Variants in TRPC5 observed in about 807,000 individuals in gnomAD.
TRPC5 encodes transient receptor potential cation channel subfamily C member 5.
TRPC5 carries 9 observed loss-of-function variants against 56.5 expected under a neutral mutation model. That is an observed-to-expected ratio of 0.16 (90% CI 0.10 to 0.28). The LOEUF is 0.28. TRPC5 is among the 10% of genes least tolerant of loss of function. The probability of loss-of-function intolerance (pLI) is 1.00; values close to 1 mark genes in which losing one functional copy is unlikely to be tolerated. For synonymous variants in TRPC5, 282 were observed against 278.5 expected (o/e 1.01, Z -0.13); for missense variants, 469 against 748.9 (o/e 0.63, Z 4.36).
chrX:112,042,292 G>A (rs1032491541), intron 1 of TRPC5, among the ~76,000 whole-genome samples: 7 of 111,536 alleles, frequency 6.3e-5, no homozygotes, highest in Non-Finnish European at 1.1e-4. Flanking sequence ...CAGGATCCGC[G>A]AGAAAGGAAG....
intron 3 of TRPC5, among the ~76,000 whole-genome samples, chrX:111,909,493 G>A (rs753358889): frequency 1.9e-4 from 21 of 110,725 alleles, no homozygotes; most frequent in African/African-American, 5.2e-4. Flanking sequence ...ATGGATGCAC[G>A]ATGTGAATGT....
intron 9 of TRPC5, among the ~76,000 whole-genome samples, chrX:111,780,607 AAGTC>A (rs1338051841): frequency 9.0e-6 from 1 of 110,837 alleles, no homozygotes; most frequent in Non-Finnish European, 1.9e-5. Context: ...CAGATACAAA[AAGTC>A]AGCCCTCTTG....
At position 111,952,226 on chromosome X, in the gene TRPC5, G is replaced by A. The variant is rs374345676; in HGVS notation, c.195C>T (p.Cys65=). 201 of 1,210,365 alleles carry A rather than the reference G, an allele frequency of 1.7e-4. No individual in the cohort carries two copies. The highest frequency in any genetic ancestry group is 2.2e-4 in the Non-Finnish European group (196 of 895,375). ...AEIYYNVNIN[C]MDPLGRSALL... ...GGGCACTCCGGCCCAAGGGGTCCAT[G>A]CAGTTGATGTTAACATTATAGTAGA... The change falls in exon 2 of 11, where the codon TGC becomes TGT. Residue 65 remains cysteine, a synonymous_variant. Coordinates refer to ENST00000262839, the MANE Select transcript of TRPC5 (RefSeq NM_012471.3).
rs376571702 is a variant in TRPC5 at position 112,026,928 on chromosome X, AAAAGAAAG to A, written c.-22+54943_-22+54950del. On this transcript the variant is annotated intron_variant, in intron 1 of 10. Coordinates refer to ENST00000262839, the MANE Select transcript of TRPC5 (RefSeq NM_012471.3). ...CCATGAAAAAAAAAAAAGAAGAAGA[AAAAGAAAG>A]AAAGAAAGAAAGAAAGAAAGAAATT... Among the ~76,000 whole-genome samples the A allele has an allele frequency of 9.4e-3, 1,020 of 109,000 alleles. 15 individuals carry two copies. The highest frequency in any genetic ancestry group is 0.032 in the African/African-American group (957 of 29,917). The allele number at this position is 109,000 out of a possible 115,157, so 94.7% of individuals were successfully genotyped here.
chrX:111,943,814 G>A lies in TRPC5; in HGVS notation c.378+8229C>T, dbSNP rs1016982092. Among the ~76,000 whole-genome samples, 4 of 111,873 alleles carry A rather than the reference G, an allele frequency of 3.6e-5. No homozygotes were observed. In the East Asian group the frequency reaches 1.1e-3, roughly 32 times the overall value. On this transcript the variant is annotated intron_variant, in intron 2 of 10. Transcript: ENST00000262839. ...GCATTGCCATCAGGGCCAGGCAGAA[G>A]GAGGTAATCTTAGAACTAAGTTGGC...
chrX:111,966,956 A>G (rs924194583), intron 1 of TRPC5, among the ~76,000 whole-genome samples: 14 of 111,706 alleles, frequency 1.3e-4, no homozygotes, highest in African/African-American at 4.6e-4. Flanking sequence ...CCTATTCAAC[A>G]TAGTGTTGGA....
At chrX:111,793,207 C>T (rs1946035799) in intron 7 of TRPC5, among the ~76,000 whole-genome samples, 1 of 111,226 alleles carries the variant, frequency 9.0e-6, no homozygotes, top group South Asian at 3.9e-4. Flanking sequence ...GGAAGAGAGT[C>T]CCATCAGCGT....
intron 7 of TRPC5, among the ~76,000 whole-genome samples, chrX:111,825,408 T>C (rs1019323354): frequency 9.3e-6 from 1 of 107,820 alleles, no homozygotes; most frequent in Non-Finnish European, 1.9e-5. Context: ...CGCACCACCA[T>C]ACCCAGCTCA....
At chrX:111,807,793 G>T (rs1248376270) in intron 7 of TRPC5, among the ~76,000 whole-genome samples, 2 of 112,233 alleles carry the variant, frequency 1.8e-5, no homozygotes, top group Non-Finnish European at 1.9e-5. Context: ...TGCATTAGGG[G>T]ACACCCCAAG....
intron 2 of TRPC5, among the ~76,000 whole-genome samples, chrX:111,945,083 A>C (rs766833522): frequency 1.8e-5 from 2 of 110,462 alleles, no homozygotes; most frequent in African/African-American, 6.6e-5. Context: ...GTAGGTATGT[A>C]GTGGGGCTCA....
chrX:112,074,050 G>T (rs1177129994), intron 1 of TRPC5, among the ~76,000 whole-genome samples: 6 of 111,580 alleles, frequency 5.4e-5, no homozygotes, highest in Non-Finnish European at 9.4e-5. Context: ...CTTTGTACAT[G>T]TAACTCATTT....
At chrX:111,908,486 G>A (rs756878909) in intron 3 of TRPC5, among the ~76,000 whole-genome samples, 20 of 110,945 alleles carry the variant, frequency 1.8e-4, no homozygotes, top group African/African-American at 6.2e-4. Context: ...TAAACTTTAG[G>A]CCATATTTGA....
At chrX:111,891,174 A>T (rs190467109) in intron 3 of TRPC5, among the ~76,000 whole-genome samples, 1 of 112,232 alleles carries the variant, frequency 8.9e-6, no homozygotes, top group Non-Finnish European at 1.9e-5. Context: ...TGCAATGAAC[A>T]TAATGTGTGC....
In TRPC5 at chrX:111,768,445, A is replaced by T. The variant is rs1945825695; in HGVS notation, c.*7868T>A. 8.9e-6 allele frequency among the ~76,000 whole-genome samples: 1 copy of T among 112,017 alleles called. No homozygotes were observed. Among genetic ancestry groups the T allele is most frequent in the Admixed American group, 9.5e-5 (1 of 10,570 alleles). ...GAAAGAAACTCCCATCCCTAATTTC[A>T]ACCCCATTTTTGAGAAATATGGAAT... On this transcript the variant is annotated 3_prime_UTR_variant, in exon 11 of 11. Coordinates refer to ENST00000262839, the MANE Select transcript of TRPC5 (RefSeq NM_012471.3).
chrX:111,785,569 G>A (rs1007146692), intron 7 of TRPC5, among the ~76,000 whole-genome samples: 7 of 111,940 alleles, frequency 6.3e-5, no homozygotes, highest in African/African-American at 2.3e-4. Context: ...TCACTTTCAC[G>A]AGTTCACAGA....
chrX:111,923,603 G>GAAAC (rs200024380), intron 2 of TRPC5, among the ~76,000 whole-genome samples: 3,942 of 111,035 alleles, frequency 0.036, 187 homozygotes, highest in African/African-American at 0.12. Context: ...ATGGATATTA[G>GAAAC]AAACAAACAA....
intron 1 of TRPC5, among the ~76,000 whole-genome samples, chrX:111,967,185 A>G (rs1056943693): frequency 2.7e-5 from 3 of 111,696 alleles, no homozygotes; most frequent in African/African-American, 9.8e-5. Context: ...TAAACCAATA[A>G]CAGACAAACA....
intron 10 of TRPC5, among the ~76,000 whole-genome samples, chrX:111,777,439 A>T (rs1008209660): frequency 2.7e-5 from 3 of 110,142 alleles, no homozygotes; most frequent in African/African-American, 9.9e-5. Flanking sequence ...GTTTTGAGAC[A>T]GGGGGCCCTG....
intron 2 of TRPC5, among the ~76,000 whole-genome samples, chrX:111,950,217 C>T (rs1026958657): frequency 4.6e-5 from 5 of 109,654 alleles, no homozygotes; most frequent in Admixed American, 9.7e-5. Flanking sequence ...CCCAGCTACT[C>T]GGGAGGCTGA....
Sources: allele counts gnomAD v4.1 joint callset (sites outside exome capture counted in the v4.1 genomes callset), GRCh38; gene constraint gnomAD v4.1.1; transcripts MANE v1.5; gene names NCBI Gene and HGNC (gene_info 2026-07-23, HGNC 2026-07-21).